The following ANGPT1 variants were observed in gnomAD, a reference collection of about 807,000 sequenced individuals.
ANGPT1 encodes angiopoietin-1.
Under a neutral mutation model 62.2 loss-of-function variants are expected in ANGPT1, and 17 were observed. The observed-to-expected ratio is 0.27, with a 90% CI of 0.19 to 0.41. The LOEUF (loss-of-function observed/expected upper bound fraction) is 0.41. Among genes scored for constraint, ANGPT1 ranks in the 10% least tolerant of loss-of-function variants. ANGPT1 has a pLI of 1.00. For synonymous variants in ANGPT1, 199 were observed against 198.9 expected, an observed-to-expected ratio of 1.00 and a Z score of 0.00; for missense variants, 478 against 594.9, an observed-to-expected ratio of 0.80 and a Z score of 2.04.
chr8:107,418,722 A>C (rs1234696349), intron 1 of ANGPT1, among the ~76,000 whole-genome samples: 1 of 152,184 alleles, frequency 6.6e-6, no homozygotes, highest in Non-Finnish European at 1.5e-5. Flanking sequence ...AATCTGGCTC[A>C]TGAAAAATAA....
chr8:107,344,580 T>A (rs1416511987), intron 2 of ANGPT1, among the ~76,000 whole-genome samples: 1 of 152,224 alleles, frequency 6.6e-6, no homozygotes, highest in East Asian at 1.9e-4. Context: ...TTTTGTTAAG[T>A]CATAAATCTA....
At chr8:107,430,089 T>C (rs1171830344) in intron 1 of ANGPT1, among the ~76,000 whole-genome samples, 1 of 152,144 alleles carries the variant, frequency 6.6e-6, no homozygotes, top group Admixed American at 6.6e-5. Flanking sequence ...AATGTGTGCT[T>C]TTTTTGTTTG....
chr8:107,435,046 G>T (rs187506370), intron 1 of ANGPT1, among the ~76,000 whole-genome samples: 2 of 151,906 alleles, frequency 1.3e-5, no homozygotes, highest in African/African-American at 2.4e-5. Context: ...AATATACACC[G>T]TTTCCCTCAT....
intron 1 of ANGPT1, among the ~76,000 whole-genome samples, chr8:107,411,523 T>C (rs1810578069): frequency 6.6e-6 from 1 of 152,156 alleles, no homozygotes; most frequent in African/African-American, 2.4e-5. Flanking sequence ...AAAGACTATG[T>C]AAAAAATTTG....
chr8:107,428,122 C>A (rs1811085230), intron 1 of ANGPT1, among the ~76,000 whole-genome samples: 1 of 152,188 alleles, frequency 6.6e-6, no homozygotes, highest in South Asian at 2.1e-4. Context: ...TATTACCAAC[C>A]ACAAAGCAAC....
chr8:107,359,529 A>T (rs921739059), intron 1 of ANGPT1, among the ~76,000 whole-genome samples: 3 of 152,210 alleles, frequency 2.0e-5, no homozygotes, highest in Non-Finnish European at 4.4e-5. Flanking sequence ...CATTGAGTTT[A>T]AAATAACCAT....
At chr8:107,475,906 G>C (rs1812511723) in intron 1 of ANGPT1, among the ~76,000 whole-genome samples, 2 of 152,066 alleles carry the variant, frequency 1.3e-5, no homozygotes, top group African/African-American at 4.8e-5. Context: ...ACACCAGTTA[G>C]AATTCGATCA....
chr8:107,329,523 T>C (rs10955450), intron 3 of ANGPT1, among the ~76,000 whole-genome samples: 29,775 of 152,054 alleles, frequency 0.2, 3,300 homozygotes, highest in East Asian at 0.34. Flanking sequence ...CAATGGGCTT[T>C]TGACAATGCA....
chr8:107,387,977 G>A (rs192930770), intron 1 of ANGPT1, among the ~76,000 whole-genome samples: 23 of 151,980 alleles, frequency 1.5e-4, no homozygotes, highest in African/African-American at 4.8e-4. Context: ...GGTTTTGGTC[G>A]ACCTATTTAA....
intron 1 of ANGPT1, among the ~76,000 whole-genome samples, chr8:107,444,757 C>G (rs1471529853): frequency 1.3e-5 from 2 of 152,018 alleles, no homozygotes; most frequent in Admixed American, 6.6e-5. Flanking sequence ...ATCACTTACC[C>G]TGACCAAGCA....
chr8:107,427,287 C>T (rs891493928), intron 1 of ANGPT1, among the ~76,000 whole-genome samples: 3 of 152,122 alleles, frequency 2.0e-5, no homozygotes, highest in African/African-American at 4.8e-5. Flanking sequence ...TTTGTTTCAA[C>T]GTTCCTGCAC....
intron 1 of ANGPT1, among the ~76,000 whole-genome samples, chr8:107,369,372 T>C (rs943438051): frequency 6.6e-6 from 1 of 152,168 alleles, no homozygotes; most frequent in African/African-American, 2.4e-5. Context: ...TCGTGGCTGG[T>C]TTGATAGTCT....
intron 8 of ANGPT1, among the ~76,000 whole-genome samples, chr8:107,260,038 T>C (rs1268340910): frequency 6.6e-6 from 1 of 152,162 alleles, no homozygotes; most frequent in Non-Finnish European, 1.5e-5. Flanking sequence ...ACTTATGCTC[T>C]AGCCTGTCTT....
chr8:107,403,096 A>G (rs10046756), intron 1 of ANGPT1, among the ~76,000 whole-genome samples: 3,822 of 152,274 alleles, frequency 0.025, 151 homozygotes, highest in African/African-American at 0.085. Flanking sequence ...TGTGTTCAGT[A>G]GTTCAGAAAT....
intron 1 of ANGPT1, among the ~76,000 whole-genome samples, chr8:107,376,013 A>G (rs1249845467): frequency 6.6e-6 from 1 of 152,206 alleles, no homozygotes; most frequent in Admixed American, 6.5e-5. Flanking sequence ...TTCTTTATTC[A>G]GGTACTATTT....
At chr8:107,404,359 A>G (rs975476743) in intron 1 of ANGPT1, among the ~76,000 whole-genome samples, 1 of 152,128 alleles carries the variant, frequency 6.6e-6, no homozygotes, top group Non-Finnish European at 1.5e-5. Flanking sequence ...ATTGCCTCCA[A>G]AGATCCTTGG....
At chr8:107,311,016 T>C (rs1352389153) in intron 4 of ANGPT1, among the ~76,000 whole-genome samples, 1 of 151,096 alleles carries the variant, frequency 6.6e-6, no homozygotes, top group African/African-American at 2.4e-5. Context: ...TGTGTATGTA[T>C]GTGAGTGTGT....
chr8:107,471,374 G>T (rs1029508389), intron 1 of ANGPT1, among the ~76,000 whole-genome samples: 7 of 152,098 alleles, frequency 4.6e-5, no homozygotes, highest in Middle Eastern at 3.4e-3. Context: ...TGGACACAGG[G>T]AGGGGAACAT....
Position 107,250,614 on chromosome 8 carries a change from A to G in ANGPT1, c.*1241T>C, listed in dbSNP as rs1163992292. The G allele has an allele frequency of 1.3e-5, 2 of 152,084 alleles. No individual in the cohort carries two copies. The highest frequency in any genetic ancestry group is 1.3e-4 in the Admixed American group (2 of 15,258). The allele number at this position is 152,084 out of a possible 1,614,324, so 9.4% of individuals were successfully genotyped here. A position where few individuals can be genotyped will look rare whatever the true frequency, so the allele number is the denominator to read the frequency against. On this transcript the variant is annotated 3_prime_UTR_variant, in exon 9 of 9. Transcript: ENST00000517746. ...GTGTTATTTGCATCAATTAAGGACA[A>G]TGTTGCATATTCCAGATTAATTAGC...
Sources: allele counts gnomAD v4.1 joint callset (sites outside exome capture counted in the v4.1 genomes callset), GRCh38; gene constraint gnomAD v4.1.1; transcripts MANE v1.5; gene names NCBI Gene and HGNC (gene_info 2026-07-23, HGNC 2026-07-21).